The following ARHGAP24 variants were observed in gnomAD, a reference collection of about 807,000 sequenced individuals.
ARHGAP24 encodes Rho GTPase activating protein 24, also known as rho GTPase-activating protein 24.
A neutral mutation model predicts 76.4 loss-of-function variants in ARHGAP24; 50 were observed. That is an observed-to-expected ratio of 0.65 (90% CI 0.52 to 0.83). ARHGAP24 has a LOEUF of 0.83. ARHGAP24 is among the 40% of genes least tolerant of loss of function. ARHGAP24 has a pLI of 0.00. For synonymous variants in ARHGAP24, 345 were observed against 323.3 expected (o/e 1.07, Z -0.72); for missense variants, 930 against 914.2 (o/e 1.02, Z -0.22).
chr4:85,857,864 T>A, intron 3 of ARHGAP24, among the ~76,000 whole-genome samples: 1 of 152,116 alleles, frequency 6.6e-6, no homozygotes, highest in East Asian at 1.9e-4. Context: ...GGTTCCTGCT[T>A]TTTATGTTTA....
At chr4:85,992,670 C>T (rs1323814105) in intron 8 of ARHGAP24, among the ~76,000 whole-genome samples, 1 of 152,152 alleles carries the variant, frequency 6.6e-6, no homozygotes, top group African/African-American at 2.4e-5. Flanking sequence ...AAACACAGTA[C>T]ACAAGTTTGA....
At chr4:85,628,926 T>A (rs933297952) in intron 2 of ARHGAP24, among the ~76,000 whole-genome samples, 8 of 152,246 alleles carry the variant, frequency 5.3e-5, no homozygotes, top group African/African-American at 1.9e-4. Context: ...TTGTTGTTAT[T>A]TATCCATTCA....
At chr4:85,993,489 T>A (rs1740459372) in intron 8 of ARHGAP24, among the ~76,000 whole-genome samples, 1 of 152,168 alleles carries the variant, frequency 6.6e-6, no homozygotes, top group African/African-American at 2.4e-5. Context: ...TAATATGTTT[T>A]TTCCTCTTCA....
At chr4:85,886,361 T>G (rs1733569832) in intron 3 of ARHGAP24, among the ~76,000 whole-genome samples, 2 of 152,186 alleles carry the variant, frequency 1.3e-5, no homozygotes, top group African/African-American at 4.8e-5. Flanking sequence ...TAGAGTATAC[T>G]TTTCATTTTC....
intron 3 of ARHGAP24, among the ~76,000 whole-genome samples, chr4:85,731,164 C>CAGCACATGCTACA (rs1553925830): frequency 6.6e-6 from 1 of 151,888 alleles, no homozygotes; most frequent in African/African-American, 2.4e-5. Context: ...CCCACAAAAC[C>CAGCACATGCTACA]ACCTTCTTAT....
intron 1 of ARHGAP24, among the ~76,000 whole-genome samples, chr4:85,492,806 A>C (rs1391047414): frequency 6.6e-6 from 1 of 152,236 alleles, no homozygotes; most frequent in Non-Finnish European, 1.5e-5. Context: ...TATCAAAACC[A>C]GAAAATTAAC....
intron 1 of ARHGAP24, among the ~76,000 whole-genome samples, chr4:85,478,946 A>T (rs1345483307): frequency 6.6e-6 from 1 of 152,218 alleles, no homozygotes. Flanking sequence ...AACTACTGTG[A>T]GTTCCTCACT....
intron 2 of ARHGAP24, among the ~76,000 whole-genome samples, chr4:85,624,612 T>G (rs370716251): frequency 2.0e-4 from 30 of 152,316 alleles, no homozygotes; most frequent in South Asian, 4.1e-4. Context: ...AAATGAGTTA[T>G]GGAGGATTCC....
At chr4:85,582,131 A>T (rs2109972821) in intron 2 of ARHGAP24, among the ~76,000 whole-genome samples, 1 of 152,266 alleles carries the variant, frequency 6.6e-6, no homozygotes, top group Non-Finnish European at 1.5e-5. Flanking sequence ...ATATCCAAAG[A>T]TATTTTGGAA....
chr4:85,625,274 T>A (rs908581509), intron 2 of ARHGAP24, among the ~76,000 whole-genome samples: 1 of 152,224 alleles, frequency 6.6e-6, no homozygotes, highest in Non-Finnish European at 1.5e-5. Flanking sequence ...ACGTTGTGTC[T>A]TTGTTCTCGT....
chr4:85,564,519 G>T (rs578093039), intron 1 of ARHGAP24, among the ~76,000 whole-genome samples: 67 of 151,392 alleles, frequency 4.4e-4, no homozygotes, highest in Middle Eastern at 6.9e-3. Flanking sequence ...TGTGCACATG[G>T]ATCCTAGAAC....
chr4:85,798,413 G>A (rs1039540011), intron 3 of ARHGAP24, among the ~76,000 whole-genome samples: 1 of 152,170 alleles, frequency 6.6e-6, no homozygotes, highest in East Asian at 1.9e-4. Context: ...AAAGGAGCAA[G>A]AAGGAGCTTT....
At chr4:85,739,573 T>C (rs1725739331) in intron 3 of ARHGAP24, among the ~76,000 whole-genome samples, 1 of 152,082 alleles carries the variant, frequency 6.6e-6, no homozygotes. Context: ...TTCAACAGCT[T>C]CCCATTACAC....
intron 4 of ARHGAP24, among the ~76,000 whole-genome samples, chr4:85,939,968 A>T (rs1736863180): frequency 6.6e-6 from 1 of 152,122 alleles, no homozygotes. Flanking sequence ...TTCTTAAATG[A>T]TCTACAAGTC....
chr4:86,000,596 A>G lies in ARHGAP24; in HGVS notation c.2121A>G (p.Ala707=). The part of the protein sequence containing the change: ...IEIKMRNAER[A]KEDAEKRNDM... Reference sequence around the variant, plus strand: ...TAAAAATGCGAAATGCCGAGCGAGCAAAAGAAGATGCCGAGAAAAGAAATG... The same window carrying G: ...TAAAAATGCGAAATGCCGAGCGAGCGAAAGAAGATGCCGAGAAAAGAAATG... Residue 707 remains alanine (A), a synonymous_variant, in exon 10 of 10, where the codon GCA becomes GCG. Transcript: ENST00000395184. The G allele has an allele frequency of 1.2e-6, 2 of 1,614,068 alleles. No homozygotes were observed. Among genetic ancestry groups the G allele is most frequent in the Non-Finnish European group, 1.7e-6 (2 of 1,179,978 alleles).
intron 2 of ARHGAP24, among the ~76,000 whole-genome samples, chr4:85,607,620 A>G (rs1212935003): frequency 6.6e-6 from 1 of 151,662 alleles, no homozygotes; most frequent in Non-Finnish European, 1.5e-5. Context: ...CTCTGGGATG[A>G]ATTTTAAATC....
intron 8 of ARHGAP24, among the ~76,000 whole-genome samples, chr4:85,982,761 G>T (rs565239192): frequency 6.6e-6 from 1 of 152,046 alleles, no homozygotes; most frequent in East Asian, 1.9e-4. Context: ...TTTTTAACTT[G>T]TTTTATTTTA....
At chr4:85,644,094 A>C (rs1721632898) in intron 2 of ARHGAP24, among the ~76,000 whole-genome samples, 1 of 152,188 alleles carries the variant, frequency 6.6e-6, no homozygotes, top group Admixed American at 6.5e-5. Context: ...AAAAGAGATC[A>C]GTTTCTTACT....
At chr4:85,860,295 G>A (rs551529955) in intron 3 of ARHGAP24, among the ~76,000 whole-genome samples, 7 of 152,012 alleles carry the variant, frequency 4.6e-5, no homozygotes, top group East Asian at 1.9e-4. Context: ...GGTGCCCCAC[G>A]AGGGCTCACT....
Sources: allele counts gnomAD v4.1 joint callset (sites outside exome capture counted in the v4.1 genomes callset), GRCh38; gene constraint gnomAD v4.1.1; transcripts MANE v1.5; gene names NCBI Gene and HGNC (gene_info 2026-07-23, HGNC 2026-07-21).